The following NXPH2 variants were observed in gnomAD, a reference collection of about 807,000 sequenced individuals.
The protein encoded by NXPH2 is neurexophilin-2.
In NXPH2, 5 loss-of-function variants were observed where a neutral mutation model predicts 19.8. That is an observed-to-expected ratio of 0.25 (90% CI 0.13 to 0.53). The LOEUF (loss-of-function observed/expected upper bound fraction) is 0.53. Ranked by LOEUF, NXPH2 falls within the 20% of genes least tolerant of loss-of-function variation. The probability of loss-of-function intolerance (pLI) is 0.96; values close to 1 mark genes in which losing one functional copy is unlikely to be tolerated. For missense variants in NXPH2, 289 were observed against 322.8 expected (o/e 0.90, Z 0.80); for synonymous variants, 154 against 127.4 (o/e 1.21, Z -1.41).
intron 1 of NXPH2, among the ~76,000 whole-genome samples, chr2:138,692,245 C>T (rs1454230764): frequency 3.3e-5 from 5 of 152,166 alleles, no homozygotes; most frequent in Admixed American, 2.6e-4. Context: ...AATCCAGACC[C>T]AATCCCTGAT....
chr2:138,735,086 G>A (rs1435804974), intron 1 of NXPH2, among the ~76,000 whole-genome samples: 2 of 152,150 alleles, frequency 1.3e-5, no homozygotes, highest in African/African-American at 4.8e-5. Flanking sequence ...AGATAGAAAT[G>A]GCGCTGTTCT....
chr2:138,766,417 T>G (rs1249350793), intron 1 of NXPH2, among the ~76,000 whole-genome samples: 2 of 152,130 alleles, frequency 1.3e-5, no homozygotes, highest in African/African-American at 2.4e-5. Context: ...CCAGGGGACA[T>G]TTGTCAATGT....
At position 138,700,944 on chromosome 2, in the gene NXPH2, G is replaced by T. The variant is rs116592081; in HGVS notation, c.52-29279C>A. ...CTTGAGCAAGACGTGGTGCTGGAAAGGAGGCAGTTTGAAAGAGATGTAGAG... is the reference window on the plus strand; with the variant it reads ...CTTGAGCAAGACGTGGTGCTGGAAATGAGGCAGTTTGAAAGAGATGTAGAG... On this transcript the variant is annotated intron_variant, in intron 1 of 1. Transcript: ENST00000272641. Among the ~76,000 whole-genome samples the T allele has an allele frequency of 4.8e-3, 724 of 152,180 alleles. 6 individuals carry two copies. The highest frequency in any genetic ancestry group is 0.016 in the African/African-American group (672 of 41,514).
rs568936336 is a variant in NXPH2 at position 138,774,712 on chromosome 2, A to G, written c.51+5479T>C. On this transcript the variant is annotated intron_variant, in intron 1 of 1. Transcript: ENST00000272641. ...ACACTCACACCCTTGGACCAACTCT[A>G]TTTTGTTGACTGCTATGTTCTCACT... Among the ~76,000 whole-genome samples, 4 of 152,224 alleles carry G rather than the reference A, an allele frequency of 2.6e-5. No individual in the cohort carries two copies. The South Asian group carries it at 8.3e-4, about 32-fold the overall frequency.
chr2:138,719,986 C>T (rs1036577662), intron 1 of NXPH2, among the ~76,000 whole-genome samples: 1 of 151,650 alleles, frequency 6.6e-6, no homozygotes, highest in Non-Finnish European at 1.5e-5. Flanking sequence ...CTACATGTAC[C>T]ACCTCATTAT....
In NXPH2 at chr2:138,780,076, C is replaced by G; in HGVS notation, c.51+115G>C. The G allele has an allele frequency of 4.6e-6, 5 of 1,076,744 alleles. No individual in the cohort carries two copies. In the South Asian group the frequency reaches 8.8e-5, roughly 19 times the overall value. The allele number at this position is 1,076,744 out of a possible 1,614,324, so 66.7% of individuals were successfully genotyped here. A position where few individuals can be genotyped will look rare whatever the true frequency, so the allele number is the denominator to read the frequency against. ...CCAAAACTCCTTGCCCTCCGCGCGC[C>G]CCCAACCCCACTTCCCAAGCAGGCC... is the stretch of plus-strand genomic sequence containing the variant. On this transcript the variant is annotated intron_variant, in intron 1 of 1. Coordinates refer to ENST00000272641, the MANE Select transcript of NXPH2 (RefSeq NM_007226.3).
At chr2:138,680,416 T>A (rs1680555535) in intron 1 of NXPH2, among the ~76,000 whole-genome samples, 1 of 152,210 alleles carries the variant, frequency 6.6e-6, no homozygotes, top group Non-Finnish European at 1.5e-5. Flanking sequence ...TTCATTTTTT[T>A]AAACACTTAT....
intron 1 of NXPH2, among the ~76,000 whole-genome samples, chr2:138,682,272 G>C (rs1435836836): frequency 6.6e-6 from 1 of 152,096 alleles, no homozygotes. Context: ...ATCTTGGAAA[G>C]CATTTCTCTG....
At chr2:138,754,799 C>T (rs1681881281) in intron 1 of NXPH2, among the ~76,000 whole-genome samples, 1 of 151,914 alleles carries the variant, frequency 6.6e-6, no homozygotes, top group Admixed American at 6.6e-5. Flanking sequence ...AAGCTACATC[C>T]CAAAATTGCA....
At chr2:138,685,946 T>C (rs1016526968) in intron 1 of NXPH2, among the ~76,000 whole-genome samples, 33 of 152,308 alleles carry the variant, frequency 2.2e-4, no homozygotes, top group Middle Eastern at 3.4e-3. Flanking sequence ...CCTTGATGGC[T>C]GCTACTTGAT....
chr2:138,748,326 G>C (rs1328176653), intron 1 of NXPH2, among the ~76,000 whole-genome samples: 1 of 152,222 alleles, frequency 6.6e-6, no homozygotes, highest in Admixed American at 6.5e-5. Flanking sequence ...GTTTGAGAAT[G>C]AAAGCTCATT....
intron 1 of NXPH2, among the ~76,000 whole-genome samples, chr2:138,695,064 C>T (rs937076912): frequency 2.0e-5 from 3 of 152,024 alleles, no homozygotes; most frequent in Non-Finnish European, 4.4e-5. Flanking sequence ...AGTAAAAATA[C>T]GGCATTATAA....
chr2:138,731,097 C>G lies in NXPH2; in HGVS notation c.51+49094G>C, dbSNP rs78917958. On this transcript the variant is annotated intron_variant, in intron 1 of 1. Coordinates refer to ENST00000272641, the MANE Select transcript of NXPH2 (RefSeq NM_007226.3). ...CTTCAGAGCTTCCCTAAATATTTAT[C>G]ATTATTTACTTCTTTTTATTTATTC... 1.2e-3 allele frequency among the ~76,000 whole-genome samples: 178 copies of G among 152,266 alleles called. 1 individual carries two copies. Among genetic ancestry groups the G allele is most frequent in the Middle Eastern group, 3.4e-3 (1 of 294 alleles).
chr2:138,735,017 G>A (rs941616666), intron 1 of NXPH2, among the ~76,000 whole-genome samples: 1 of 152,206 alleles, frequency 6.6e-6, no homozygotes, highest in African/African-American at 2.4e-5. Context: ...CAAACAGGAA[G>A]AAGGTGAAGT....
At chr2:138,720,187 C>G (rs975397046) in intron 1 of NXPH2, among the ~76,000 whole-genome samples, 1 of 151,222 alleles carries the variant, frequency 6.6e-6, no homozygotes, top group African/African-American at 2.4e-5. Flanking sequence ...CAGCAGAGGT[C>G]AATCGCCACC....
At chr2:138,716,549 C>T (rs1681197806) in intron 1 of NXPH2, among the ~76,000 whole-genome samples, 1 of 152,142 alleles carries the variant, frequency 6.6e-6, no homozygotes, top group Admixed American at 6.5e-5. Context: ...GAACTGTGAG[C>T]AATAAACATC....
chr2:138,679,718 C>A (rs1044870733), intron 1 of NXPH2, among the ~76,000 whole-genome samples: 6 of 152,136 alleles, frequency 3.9e-5, no homozygotes, highest in Non-Finnish European at 5.9e-5. Flanking sequence ...AATATATGCC[C>A]TTTCTGACTC....
chr2:138,740,186 A>G (rs1681621101), intron 1 of NXPH2, among the ~76,000 whole-genome samples: 1 of 152,216 alleles, frequency 6.6e-6, no homozygotes. Flanking sequence ...ATGATGGAGT[A>G]GAAAAGGGTG....
intron 1 of NXPH2, among the ~76,000 whole-genome samples, chr2:138,674,484 T>C (rs904460673): frequency 5.9e-5 from 9 of 151,984 alleles, no homozygotes; most frequent in African/African-American, 2.2e-4. Flanking sequence ...TGAGGTCTTG[T>C]TATGTTGCCC....
Sources: allele counts gnomAD v4.1 joint callset (sites outside exome capture counted in the v4.1 genomes callset), GRCh38; gene constraint gnomAD v4.1.1; transcripts MANE v1.5; gene names NCBI Gene and HGNC (gene_info 2026-07-23, HGNC 2026-07-21).